The following RNASEH2B variants were observed in gnomAD, a reference collection of about 807,000 sequenced individuals.
RNASEH2B encodes the protein Aicardi-Goutieres syndrome 2 protein.
In RNASEH2B, 36 loss-of-function variants were observed where a neutral mutation model predicts 45.0. The ratio of observed to expected loss-of-function variants is 0.80; its 90% CI spans 0.61 to 1.06. The LOEUF (loss-of-function observed/expected upper bound fraction) is 1.06. RNASEH2B is among the 50% of genes least tolerant of loss of function. The pLI, the probability that RNASEH2B is intolerant of heterozygous loss-of-function variation, is 0.00. For missense variants in RNASEH2B, 361 were observed against 360.3 expected, an observed-to-expected ratio of 1.00 and a Z score of -0.02; for synonymous variants, 119 against 125.7, an observed-to-expected ratio of 0.95 and a Z score of 0.35.
intron 2 of RNASEH2B, 53 bp from the exon 3 acceptor site, chr13:50,929,421 TG>T: frequency 1.9e-6 from 2 of 1,055,218 alleles, no homozygotes; most frequent in Non-Finnish European, 3.0e-6. Flanking sequence ...GGTGTGTGTG[TG>T]TTTGTGTGTG....
Position 50,947,999 on chromosome 13 carries a change from G to A in RNASEH2B, c.629G>A (p.Arg210His), listed in dbSNP as rs755705496. 14 of 1,608,242 alleles carry A rather than the reference G, an allele frequency of 8.7e-6. No individual in the cohort carries two copies. Among genetic ancestry groups the A allele is most frequent in the South Asian group, 3.3e-5 (3 of 90,962 alleles). Residue 210 changes from arginine (R) to histidine (H), a missense_variant, in exon 8 of 11, where the codon CGT becomes CAT. Physicochemically the swap from Arg to His is conservative, Grantham distance 29. Coordinates refer to ENST00000336617, the MANE Select transcript of RNASEH2B (RefSeq NM_024570.4). The stretch of plus-strand genomic sequence containing the variant: ...CTGTTTCTTTCAGAGGATTATATTC[G>A]TTATGCCCATGGTCTGATATCTGAC... ...ASTDKEEDYI[R>H]YAHGLISDYI...
intron 6 of RNASEH2B, among the ~76,000 whole-genome samples, chr13:50,945,176 A>G (rs144622765): frequency 6.6e-6 from 1 of 152,310 alleles, no homozygotes; most frequent in African/African-American, 2.4e-5. Context: ...CAGTTATCAC[A>G]ATATGTTGCC....
intron 9 of RNASEH2B, among the ~76,000 whole-genome samples, chr13:50,964,102 G>T (rs549298422): frequency 6.6e-6 from 1 of 152,078 alleles, no homozygotes. Flanking sequence ...GGGAGGCTGA[G>T]GCAGGAGAAT....
chr13:50,915,258 T>G, intron 1 of RNASEH2B: 1 of 396,446 alleles, frequency 2.5e-6, no homozygotes, highest in Non-Finnish European at 4.4e-6. Flanking sequence ...CTATCCAAAT[T>G]CTACCCTTTC....
chr13:50,967,024 A>G (rs959562791), intron 9 of RNASEH2B, among the ~76,000 whole-genome samples: 2 of 152,228 alleles, frequency 1.3e-5, no homozygotes, highest in African/African-American at 4.8e-5. Context: ...TCTGTGAGCC[A>G]TGGAGGAAGT....
chr13:50,927,132 C>A, intron 1 of RNASEH2B: 1 of 387,190 alleles, frequency 2.6e-6, no homozygotes. Context: ...CAAAGCTATC[C>A]AAGTGGCTAA....
At chr13:50,947,019 C>T (rs563489472) in intron 7 of RNASEH2B, among the ~76,000 whole-genome samples, 3 of 152,006 alleles carry the variant, frequency 2.0e-5, no homozygotes, top group Non-Finnish European at 4.4e-5. Flanking sequence ...ATCAGGTGGT[C>T]CCCAGACGGC....
Position 50,930,758 on chromosome 13 carries a change from A to G in RNASEH2B, c.320A>G (p.Glu107Gly), listed in dbSNP as rs1951670887. Residue 107 changes from glutamate to glycine, a missense_variant and splice_region_variant, in exon 4 of 11, where the codon GAG becomes GGG. Physicochemically the swap from Glu to Gly is moderately conservative, Grantham distance 98. Coordinates refer to ENST00000336617, the MANE Select transcript of RNASEH2B (RefSeq NM_024570.4). ...LLHYLIKADK[E>G]GKFQPLDQVV... is the part of the protein sequence containing the mutation. ...CACTACCTCATAAAGGCTGATAAGG[A>G]GGTGAGTTTCCAGCTCGGAGCATCC... is the stretch of plus-strand genomic sequence containing the variant. 2 of 1,612,116 alleles carry G rather than the reference A, an allele frequency of 1.2e-6. No individual in the cohort carries two copies. The highest frequency in any genetic ancestry group is 1.3e-5 in the African/African-American group (1 of 74,880).
chr13:50,911,891 T>G (rs903377881), intron 1 of RNASEH2B: 1 of 152,258 alleles, frequency 6.6e-6, no homozygotes, highest in Non-Finnish European at 1.5e-5. Context: ...TTTGTTGTTC[T>G]GTTTAATCAG....
At chr13:50,965,128 G>C (rs1042224994) in intron 9 of RNASEH2B, among the ~76,000 whole-genome samples, 2 of 152,184 alleles carry the variant, frequency 1.3e-5, no homozygotes, top group Non-Finnish European at 2.9e-5. Context: ...CTATCACCTA[G>C]TGAGTTGTAG....
Position 50,963,241 on chromosome 13 carries a change from T to C in RNASEH2B, c.742-6691T>C, listed in dbSNP as rs916030060. On this transcript the variant is annotated intron_variant, in intron 9 of 9. Transcript: ENST00000422660. Reference sequence around the variant, plus strand: ...GTGCAATGGCACAATCTCAGCTCGCTGCAACTTCCGCCTCCCGGGTTCAAG... The same window carrying C: ...GTGCAATGGCACAATCTCAGCTCGCCGCAACTTCCGCCTCCCGGGTTCAAG... 1.4e-4 allele frequency among the ~76,000 whole-genome samples: 21 copies of C among 152,312 alleles called. 1 individual carries two copies. In the East Asian group the frequency reaches 3.3e-3, roughly 24 times the overall value.
At chr13:50,953,745 G>A (rs904212466) in intron 9 of RNASEH2B, 160 bp from the exon 10 acceptor site, 3 of 629,620 alleles carry the variant, frequency 4.8e-6, no homozygotes. Flanking sequence ...TAGATGATTG[G>A]CAAAATGTAA....
chr13:50,928,097 AT>A (rs1951624428), intron 2 of RNASEH2B, among the ~76,000 whole-genome samples: 3 of 151,966 alleles, frequency 2.0e-5, no homozygotes, highest in African/African-American at 4.8e-5. Flanking sequence ...TTGTCTTCAC[AT>A]TTTTTAGGCA....
At chr13:50,956,900 A>T (rs982545140), downstream of RNASEH2B, 203 of 189,408 alleles carry the variant, frequency 1.1e-3, 8 homozygotes, top group South Asian at 0.032. Flanking sequence ...TTTTTGGTAA[A>T]TTTTTTTTTT....
At chr13:50,930,629 C>G in intron 3 of RNASEH2B, 54 bp from the exon 4 acceptor site, 3 of 1,250,040 alleles carry the variant, frequency 2.4e-6, no homozygotes, top group Non-Finnish European at 3.5e-6. Flanking sequence ...GGTGAAATAG[C>G]CACATTGTCT....
At chr13:50,934,620 A>G (rs112939735) in intron 4 of RNASEH2B, 23 of 475,284 alleles carry the variant, frequency 4.8e-5, no homozygotes, top group Middle Eastern at 5.9e-4. Context: ...GCTTTTGTAG[A>G]TTGATTTTCT....
At chr13:50,913,151 T>C (rs1879524814) in intron 1 of RNASEH2B, 1 of 152,234 alleles carries the variant, frequency 6.6e-6, no homozygotes, top group South Asian at 2.1e-4. Flanking sequence ...TCTTTTAGTT[T>C]GGGATGGTCT....
intron 5 of RNASEH2B, chr13:50,941,022 T>C (rs1229659471): frequency 1.3e-5 from 2 of 152,196 alleles, no homozygotes; most frequent in African/African-American, 4.8e-5. Flanking sequence ...TCTTCGAAGA[T>C]GGGGACAAAT....
intron 1 of RNASEH2B, among the ~76,000 whole-genome samples, chr13:50,919,091 C>T (rs187790554): frequency 1.3e-5 from 2 of 152,176 alleles, no homozygotes; most frequent in African/African-American, 4.8e-5. Flanking sequence ...TCCATTGCTT[C>T]CAAGTCATAA....
Sources: gnomAD v4.1 joint callset for allele counts (sites outside exome capture counted in the v4.1 genomes callset) on GRCh38, gnomAD v4.1.1 for gene constraint, MANE v1.5 for transcripts, NCBI Gene and HGNC (gene_info 2026-07-23, HGNC 2026-07-21) for gene names.